NCKAP5: variants seen among roughly 807,000 people sequenced by gnomAD.
NCKAP5 encodes nck-associated protein 5.
NCKAP5 carries 92 observed loss-of-function variants against 167.0 expected under a neutral mutation model. The ratio of observed to expected loss-of-function variants is 0.55; its 90% CI spans 0.47 to 0.66. The LOEUF (loss-of-function observed/expected upper bound fraction) is 0.66. NCKAP5 is among the 30% of genes least tolerant of loss of function. The pLI, the probability that NCKAP5 is intolerant of heterozygous loss-of-function variation, is 0.00. For synonymous variants in NCKAP5, 891 were observed against 877.4 expected (o/e 1.02, Z -0.27); for missense variants, 2,378 against 2,315.0 (o/e 1.03, Z -0.56).
chr2:133,278,683 CA>C lies in NCKAP5; in HGVS notation c.143+24353del, dbSNP rs748007848. ...AGCAAGAAAAAACTCAAAAACAAAC[CA>C]AAAAATATTTTTAAAATAAATTGAA... On this transcript the variant is annotated intron_variant, in intron 4 of 19. Coordinates refer to ENST00000409261, the MANE Select transcript of NCKAP5 (RefSeq NM_207363.3). Among the ~76,000 whole-genome samples the C allele has an allele frequency of 2.8e-5, 4 of 143,336 alleles. No homozygotes were observed. In the East Asian group the frequency reaches 6.2e-4, roughly 22 times the overall value. The allele number at this position is 143,336 out of a possible 152,430, so 94.0% of individuals were successfully genotyped here. A position where few individuals can be genotyped will look rare whatever the true frequency, so the allele number is the denominator to read the frequency against.
chr2:132,736,044 C>G (rs2105526277), intron 16 of NCKAP5, among the ~76,000 whole-genome samples: 1 of 152,254 alleles, frequency 6.6e-6, no homozygotes, highest in African/African-American at 2.4e-5. Flanking sequence ...ATTGCATGCC[C>G]TGACATTAAA....
chr2:132,707,360 A>AAT (rs534340205), intron 19 of NCKAP5, among the ~76,000 whole-genome samples: 50 of 152,354 alleles, frequency 3.3e-4, no homozygotes, highest in Non-Finnish European at 6.5e-4. Context: ...CAGTGGTCAG[A>AAT]ATCTGAGTTC....
At chr2:133,346,314 G>A (rs903898858) in intron 3 of NCKAP5, among the ~76,000 whole-genome samples, 1 of 152,146 alleles carries the variant, frequency 6.6e-6, no homozygotes, top group African/African-American at 2.4e-5. Context: ...ATGCAGGGAA[G>A]GCTATTAAGT....
chr2:132,970,752 A>G (rs1193949581), intron 7 of NCKAP5, among the ~76,000 whole-genome samples: 4 of 152,188 alleles, frequency 2.6e-5, no homozygotes, highest in African/African-American at 9.6e-5. Context: ...CAACATCATC[A>G]GGCCTATGTA....
chr2:133,258,510 G>A (rs1169174740), intron 4 of NCKAP5, among the ~76,000 whole-genome samples: 1 of 152,154 alleles, frequency 6.6e-6, no homozygotes, highest in Non-Finnish European at 1.5e-5. Flanking sequence ...GGGAGGCTGA[G>A]ATGGGCAGAT....
chr2:133,335,742 T>C (rs1379873439), intron 3 of NCKAP5, among the ~76,000 whole-genome samples: 4 of 152,218 alleles, frequency 2.6e-5, no homozygotes, highest in Non-Finnish European at 5.9e-5. Flanking sequence ...TGATAATCAA[T>C]TGCCTGTTAT....
At chr2:133,064,472 T>C (rs994857002) in intron 6 of NCKAP5, among the ~76,000 whole-genome samples, 1 of 151,882 alleles carries the variant, frequency 6.6e-6, no homozygotes, top group African/African-American at 2.4e-5. Context: ...GATAATGCCA[T>C]GTTCACATGA....
Position 132,784,881 on chromosome 2 carries a change from T to C in NCKAP5, c.1930A>G (p.Thr644Ala), listed in dbSNP as rs760389553. The change falls in exon 14 of 20, where the codon ACT becomes GCT. Residue 644 changes from threonine (T) to alanine (A), a missense_variant. Transcript: ENST00000409261. ...ATGAAACTAAAAGTCTTTGGCCTAG[T>C]CTCTGAAGGGATGGGCACTTGTTTT... ...EEKQVPIPSE[T>A]RPKTFSFIKQ... The C allele has an allele frequency of 6.4e-7, 1 of 1,564,426 alleles. No homozygotes were observed. Among genetic ancestry groups the C allele is most frequent in the East Asian group, 2.2e-5 (1 of 44,470 alleles).
intron 8 of NCKAP5, among the ~76,000 whole-genome samples, chr2:132,909,710 A>G (rs1694291679): frequency 6.6e-6 from 1 of 152,190 alleles, no homozygotes; most frequent in Admixed American, 6.5e-5. Flanking sequence ...TGTGAGGAAC[A>G]CTTTGCTTTA....
chr2:133,036,955 A>C (rs1412719864), intron 6 of NCKAP5, among the ~76,000 whole-genome samples: 2 of 152,118 alleles, frequency 1.3e-5, no homozygotes, highest in African/African-American at 4.8e-5. Context: ...AGAACTGATA[A>C]ATTCAGTAAA....
chr2:133,440,334 T>A (rs966282786), intron 3 of NCKAP5, among the ~76,000 whole-genome samples: 1 of 152,144 alleles, frequency 6.6e-6, no homozygotes, highest in East Asian at 1.9e-4. Flanking sequence ...GATGATATTG[T>A]AGGACATTTG....
intron 3 of NCKAP5, among the ~76,000 whole-genome samples, chr2:133,473,183 T>A (rs1458752360): frequency 1.3e-5 from 2 of 151,990 alleles, no homozygotes; most frequent in African/African-American, 4.8e-5. Flanking sequence ...AATACAAAAA[T>A]TAGCCAGGCC....
chr2:133,027,048 G>T (rs1035627104), intron 6 of NCKAP5, among the ~76,000 whole-genome samples: 1 of 152,168 alleles, frequency 6.6e-6, no homozygotes, highest in African/African-American at 2.4e-5. Context: ...TCACTTCCAA[G>T]GGAGTAAATG....
At chr2:132,855,451 T>C (rs1689390797) in intron 11 of NCKAP5, among the ~76,000 whole-genome samples, 2 of 152,282 alleles carry the variant, frequency 1.3e-5, no homozygotes, top group Admixed American at 1.3e-4. Flanking sequence ...GATATCAGGT[T>C]TGTAGGGCAG....
At chr2:132,976,563 C>CAAA (rs1169178217) in intron 7 of NCKAP5, among the ~76,000 whole-genome samples, 53 of 50,388 alleles carry the variant, frequency 1.1e-3, no homozygotes, top group East Asian at 1.9e-3. Context: ...GACTCCATCT[C>CAAA]AAAAAAAAAA....
intron 3 of NCKAP5, among the ~76,000 whole-genome samples, chr2:133,357,391 T>G (rs1448998621): frequency 6.6e-6 from 1 of 151,976 alleles, no homozygotes; most frequent in Non-Finnish European, 1.5e-5. Context: ...GAATAAATTC[T>G]TATGTGCATT....
At chr2:132,734,841 C>T (rs565093382) in intron 16 of NCKAP5, among the ~76,000 whole-genome samples, 21 of 150,942 alleles carry the variant, frequency 1.4e-4, no homozygotes, top group African/African-American at 3.9e-4. Context: ...ACTGATTCCC[C>T]GCAGAAGCAC....
intron 13 of NCKAP5, among the ~76,000 whole-genome samples, chr2:132,788,789 A>C (rs1002438416): frequency 6.6e-6 from 1 of 152,228 alleles, no homozygotes; most frequent in Non-Finnish European, 1.5e-5. Context: ...TATAATTAAT[A>C]TTCAAATTCA....
At chr2:132,858,900 T>G (rs1689671539) in intron 11 of NCKAP5, among the ~76,000 whole-genome samples, 1 of 152,216 alleles carries the variant, frequency 6.6e-6, no homozygotes, top group South Asian at 2.1e-4. Flanking sequence ...AAACAGGGAC[T>G]GTAGAGTCTT....
Sources: gnomAD v4.1 joint callset for allele counts (sites outside exome capture counted in the v4.1 genomes callset) on GRCh38, gnomAD v4.1.1 for gene constraint, MANE v1.5 for transcripts, NCBI Gene and HGNC (gene_info 2026-07-23, HGNC 2026-07-21) for gene names.